LRRC14B: variants seen among roughly 807,000 people sequenced by gnomAD.
LRRC14B encodes leucine-rich repeat-containing protein 14B.
A neutral mutation model predicts 16.9 loss-of-function variants in LRRC14B; 23 were observed. The ratio of observed to expected loss-of-function variants is 1.36; its 90% CI spans 0.98 to 1.92. The LOEUF is 1.92. Among genes scored for constraint, LRRC14B ranks in the 30% most tolerant of loss-of-function variants. The pLI, the probability that LRRC14B is intolerant of heterozygous loss-of-function variation, is 0.00. For synonymous variants in LRRC14B, 358 were observed against 332.5 expected (o/e 1.08, Z -0.83); for missense variants, 766 against 705.7 (o/e 1.09, Z -0.97).
intron 1 of LRRC14B, among the ~76,000 whole-genome samples, chr5:193,532 G>T (rs1289246663): frequency 2.0e-5 from 3 of 148,384 alleles, no homozygotes; most frequent in Non-Finnish European, 4.5e-5. Flanking sequence ...CCTGAAGTGG[G>T]GGCACCTGGT....
Position 191,658 on chromosome 5 carries a change from C to CAGCT in LRRC14B, c.122_125dup (p.Tyr42Ter). On this transcript the variant is annotated frameshift_variant, in exon 1 of 2. Coordinates refer to ENST00000328278, the MANE Select transcript of LRRC14B (RefSeq NM_001080478.3). LOFTEE classifies it high-confidence loss of function. The stretch of plus-strand genomic sequence containing the variant: ...ACCTCTACCCACTCCTGTTCAAAGC[C>CAGCT]AGCTACCTGCTGGAGCAGGCGGAGG... 6.2e-7 allele frequency: 1 copy of CAGCT among 1,607,872 alleles called. No homozygotes were observed. Among genetic ancestry groups the CAGCT allele is most frequent in the South Asian group, 1.1e-5 (1 of 89,948 alleles).
At position 194,888 on chromosome 5, in the gene LRRC14B, G is replaced by A. The variant is rs200795630; in HGVS notation, c.1080G>A (p.Arg360=). ...TFFRLLSQAS[R]TLRILTLEEC... ...TCAGGCTGCTCAGCCAGGCTTCCCGGACGCTGAGGATCCTGACACTGGAGG... is the reference window on the plus strand; with the variant it reads ...TCAGGCTGCTCAGCCAGGCTTCCCGAACGCTGAGGATCCTGACACTGGAGG... Residue 360 remains arginine, a synonymous_variant, in exon 2 of 2, where the codon CGG becomes CGA. Transcript: ENST00000328278. 28 of 1,599,268 alleles carry A rather than the reference G, an allele frequency of 1.8e-5. No homozygotes were observed. The highest frequency in any genetic ancestry group is 5.3e-5 in the Admixed American group (3 of 57,082).
In LRRC14B at chr5:191,999, GCCCCGTCGAGGT is replaced by G; in HGVS notation, c.464_475del (p.Pro155_Val158del). Reference sequence around the variant, plus strand: ...CAGGCAGAGCCCCTCGCAGCCGGGCGCCCCGTCGAGGTCCTCGCCGACCTCTTCGTCACTGAG... The same window carrying G: ...CAGGCAGAGCCCCTCGCAGCCGGGCGCCTCGCCGACCTCTTCGTCACTGAG... On this transcript the variant is annotated inframe_deletion, in exon 1 of 2. Coordinates refer to ENST00000328278, the MANE Select transcript of LRRC14B (RefSeq NM_001080478.3). 1 of 1,533,584 alleles carries G rather than the reference GCCCCGTCGAGGT, an allele frequency of 6.5e-7. No individual in the cohort carries two copies. Among genetic ancestry groups the G allele is most frequent in the Middle Eastern group, 1.8e-4 (1 of 5,436 alleles). 95.0% of individuals were successfully genotyped at this position (1,533,584 alleles called of 1,614,324 possible).
rs968464555 is a variant in LRRC14B, at chr5:195,614, T to C, written c.*261T>C. ...AAGCCACCAAGAGACAGTGACAGGG[T>C]CAGCGGGGGCAGACGCCACATGGCA... On this transcript the variant is annotated 3_prime_UTR_variant, in exon 2 of 2. Transcript: ENST00000328278. 6.7e-6 allele frequency among the ~76,000 whole-genome samples: 1 copy of C among 149,342 alleles called. No individual in the cohort carries two copies. Among genetic ancestry groups the C allele is most frequent in the African/African-American group, 2.5e-5 (1 of 40,370 alleles).
rs930471409 is a variant in LRRC14B at position 195,556 on chromosome 5, A to G, written c.*203A>G. ...GGAGAGGTGCCATGCGGTGCCCTTTAGTGGCAGCACGGCAAGGTTCTGGAG... is the reference window on the plus strand; with the variant it reads ...GGAGAGGTGCCATGCGGTGCCCTTTGGTGGCAGCACGGCAAGGTTCTGGAG... On this transcript the variant is annotated 3_prime_UTR_variant, in exon 2 of 2. Transcript: ENST00000328278. Among the ~76,000 whole-genome samples the G allele has an allele frequency of 6.6e-6, 1 of 152,176 alleles. No individual in the cohort carries two copies. The highest frequency in any genetic ancestry group is 1.5e-5 in the Non-Finnish European group (1 of 68,032).
Position 192,267 on chromosome 5 carries a change from G to C in LRRC14B, c.729G>C (p.Ser243=). Residue 243 remains serine (S), a synonymous_variant, in exon 1 of 2, where the codon TCG becomes TCC. Coordinates refer to ENST00000328278, the MANE Select transcript of LRRC14B (RefSeq NM_001080478.3). ...LAQVGFPRLA[S]LTLPTKAFDA... ...AGGTGGGCTTCCCCCGGCTGGCCTC[G>C]CTCACCCTGCCCACCAAGGCCTTTG... The C allele has an allele frequency of 1.9e-6, 3 of 1,595,096 alleles. No individual in the cohort carries two copies. In the South Asian group the frequency reaches 3.4e-5, roughly 18 times the overall value.
Position 194,767 on chromosome 5 carries a change from A to T in LRRC14B, c.959A>T (p.Asp320Val). 6.2e-7 allele frequency: 1 copy of T among 1,613,632 alleles called. No homozygotes were observed. The highest frequency in any genetic ancestry group is 8.5e-7 in the Non-Finnish European group (1 of 1,179,744). ...GCCAACTGTGCCCTGAACCACACGG[A>T]CATGGCCTTCTTGGCAGACTGTGCC... Reference protein sequence around the residue: ...DLANCALNHTDMAFLADCAHA... With the variant: ...DLANCALNHTVMAFLADCAHA... Residue 320 changes from aspartate (D) to valine (V), a missense_variant, in exon 2 of 2, where the codon GAC becomes GTC. By Grantham distance (152) the Asp-to-Val change is radical. Transcript: ENST00000328278.
rs902560896 is a variant in LRRC14B, at chr5:192,036, G to C, written c.498G>C (p.Glu166Asp). 1.1e-5 allele frequency: 17 copies of C among 1,540,740 alleles called. No homozygotes were observed. In the African/African-American group the frequency reaches 2.0e-4, roughly 19 times the overall value. ...VEVLADLFVT[E>D]GNFEAVVQAL... Reference sequence around the variant, plus strand: ...TCCTCGCCGACCTCTTCGTCACTGAGGGCAACTTCGAGGCGGTGGTGCAGG... The same window carrying C: ...TCCTCGCCGACCTCTTCGTCACTGACGGCAACTTCGAGGCGGTGGTGCAGG... Residue 166 changes from glutamate to aspartate, a missense_variant, in exon 1 of 2, where the codon GAG (glutamate) becomes GAC (aspartate). Coordinates refer to ENST00000328278, the MANE Select transcript of LRRC14B (RefSeq NM_001080478.3).
rs759115119 is a variant in LRRC14B, at chr5:194,980, G to A, written c.1172G>A (p.Arg391His). 43 of 1,613,260 alleles carry A rather than the reference G, an allele frequency of 2.7e-5. No individual in the cohort carries two copies. Among genetic ancestry groups the A allele is most frequent in the Non-Finnish European group, 3.4e-5 (40 of 1,179,836 alleles). The change falls in exon 2 of 2, where the codon CGC (arginine) becomes CAC (histidine). Residue 391 changes from arginine (R) to histidine (H), a missense_variant. Arg to His is a conservative substitution (Grantham distance 29, BLOSUM62 0). Coordinates refer to ENST00000328278, the MANE Select transcript of LRRC14B (RefSeq NM_001080478.3). The part of the protein sequence containing the change: ...ILGLSPCHRL[R>H]QLKFLGNPLS... ...GGCCTGAGCCCCTGCCACCGGCTGC[G>A]CCAGCTCAAGTTCCTCGGGAACCCG...
chr5:195,468 A>C lies in LRRC14B; in HGVS notation c.*115A>C. ...TCATCCCCACCACCACCACCACCAA[A>C]AGCAGTTCTTAGTGAAAATTGTAGG... On this transcript the variant is annotated 3_prime_UTR_variant, in exon 2 of 2. Coordinates refer to ENST00000328278, the MANE Select transcript of LRRC14B (RefSeq NM_001080478.3). 2.1e-6 allele frequency: 2 copies of C among 972,294 alleles called. No homozygotes were observed. The highest frequency in any genetic ancestry group is 3.0e-6 in the Non-Finnish European group (2 of 668,108). The allele number at this position is 972,294 out of a possible 1,614,324, so 60.2% of individuals were successfully genotyped here.
At position 191,712 on chromosome 5, in the gene LRRC14B, C is replaced by T. The variant is rs1402231419; in HGVS notation, c.174C>T (p.Pro58=). 6.3e-7 allele frequency: 1 copy of T among 1,585,472 alleles called. No individual in the cohort carries two copies. Among genetic ancestry groups the T allele is most frequent in the Non-Finnish European group, 8.6e-7 (1 of 1,166,628 alleles). The change falls in exon 1 of 2, where the codon CCC becomes CCT. Residue 58 remains proline (P), a synonymous_variant. Coordinates refer to ENST00000328278, the MANE Select transcript of LRRC14B (RefSeq NM_001080478.3). ...CGCGCGCGGTGCTGGGGCGCTGGCC[C>T]CTGGAGGAGTTCCGGCTGGGAGCGC... is the stretch of plus-strand genomic sequence containing the variant. ...EVTRAVLGRW[P]LEEFRLGALL... is the part of the protein sequence containing the mutation.
At chr5:192,558 G>GTGTGGC in intron 1 of LRRC14B, 121 bp downstream of exon 1, 1 of 1,092,402 alleles carries the variant, frequency 9.2e-7, no homozygotes, top group Non-Finnish European at 1.2e-6. Flanking sequence ...CTCACTCCGG[G>GTGTGGC]TGTGGCCACA....
rs201736596 is a variant in LRRC14B, at chr5:191,507, G to A, written c.-32G>A. 5.7e-4 allele frequency: 901 copies of A among 1,573,612 alleles called. 8 individuals are homozygous for A. In the African/African-American group the frequency reaches 9.9e-3, roughly 17 times the overall value. ...AGGCGTGAAGGGCACACGCCTTGGG[G>A]AAAGTCGTGGGGAGCGGTCCTGTCT... On this transcript the variant is annotated 5_prime_UTR_variant, in exon 1 of 2. Coordinates refer to ENST00000328278, the MANE Select transcript of LRRC14B (RefSeq NM_001080478.3).
chr5:191,612 G>A lies in LRRC14B; in HGVS notation c.74G>A (p.Ser25Asn). 1.2e-6 allele frequency: 2 copies of A among 1,611,766 alleles called. No individual in the cohort carries two copies. The highest frequency in any genetic ancestry group is 1.3e-5 in the African/African-American group (1 of 75,030). The change falls in exon 1 of 2, where the codon AGC becomes AAC. Residue 25 changes from serine (S) to asparagine (N), a missense_variant. By Grantham distance (46) the Ser-to-Asn change is conservative (BLOSUM62 1). Coordinates refer to ENST00000328278, the MANE Select transcript of LRRC14B (RefSeq NM_001080478.3). ...LVSHPQVARQ[S>N]LDSVAHNLYP... ...TCCCACCCCCAGGTGGCCCGGCAGA[G>A]CCTGGACAGCGTGGCCCACAACCTC... is the stretch of plus-strand genomic sequence containing the variant.
chr5:191,833 C>G lies in LRRC14B; in HGVS notation c.295C>G (p.Leu99Val), dbSNP rs1733799694. ...ALVRGLADHVLQDRSRRRLRV... is the reference protein window; with the variant it reads ...ALVRGLADHVVQDRSRRRLRV... ...GGTGCGCGGCCTCGCGGACCACGTGCTGCAGGACCGGAGCCGCCGGCGGCT... is the reference window on the plus strand; with the variant it reads ...GGTGCGCGGCCTCGCGGACCACGTGGTGCAGGACCGGAGCCGCCGGCGGCT... Residue 99 changes from leucine to valine, a missense_variant, in exon 1 of 2, where the codon CTG becomes GTG. By Grantham distance (32) the Leu-to-Val change is conservative. Transcript: ENST00000328278. 6.5e-7 allele frequency: 1 copy of G among 1,528,936 alleles called. No homozygotes were observed. The highest frequency in any genetic ancestry group is 1.4e-5 in the African/African-American group (1 of 72,524). 94.7% of individuals were successfully genotyped at this position (1,528,936 alleles called of 1,614,324 possible).
At position 191,534 on chromosome 5, in the gene LRRC14B, G is replaced by A. The variant is rs755088026; in HGVS notation, c.-5G>A. The A allele has an allele frequency of 9.4e-6, 15 of 1,602,332 alleles. No individual in the cohort carries two copies. The highest frequency in any genetic ancestry group is 9.0e-5 in the East Asian group (4 of 44,562). ...AAGTCGTGGGGAGCGGTCCTGTCTC[G>A]GGCCATGGACACAATGAGGTCACTC... On this transcript the variant is annotated 5_prime_UTR_variant, in exon 1 of 2. Transcript: ENST00000328278.
intron 1 of LRRC14B, among the ~76,000 whole-genome samples, chr5:193,863 GACC>G: frequency 6.6e-6 from 1 of 152,146 alleles, no homozygotes. Flanking sequence ...GGATGGGGCA[GACC>G]CCAGCTGTGT....
intron 1 of LRRC14B, among the ~76,000 whole-genome samples, chr5:194,098 C>A (rs554637386): frequency 6.6e-5 from 10 of 151,398 alleles, no homozygotes; most frequent in Admixed American, 2.0e-4. Context: ...CATGGCCCTT[C>A]CCAGCTCTGA....
In LRRC14B at chr5:196,217, G is replaced by T. The variant is rs925414830; in HGVS notation, c.*864G>T. On this transcript the variant is annotated 3_prime_UTR_variant, in exon 2 of 2. Coordinates refer to ENST00000328278, the MANE Select transcript of LRRC14B (RefSeq NM_001080478.3). ...GTCTAGCACTTGACCAGCCCCTGGA[G>T]GAGCTGACAACCACCTAAGACACAT... 3 of 152,226 alleles carry T rather than the reference G, an allele frequency of 2.0e-5. No individual in the cohort carries two copies. The highest frequency in any genetic ancestry group is 2.9e-5 in the Non-Finnish European group (2 of 68,034). The allele number at this position is 152,226 out of a possible 1,614,324, so 9.4% of individuals were successfully genotyped here.
Sources: gnomAD v4.1 joint callset for allele counts (sites outside exome capture counted in the v4.1 genomes callset) on GRCh38, gnomAD v4.1.1 for gene constraint, MANE v1.5 for transcripts, NCBI Gene and HGNC (gene_info 2026-07-23, HGNC 2026-07-21) for gene names.